UGT2B17: variants seen among roughly 807,000 people sequenced by gnomAD.
UGT2B17 encodes the protein UDP glucuronosyltransferase family 2 member B17, also known as UDP-glucuronosyltransferase 2B17.
A neutral mutation model predicts 48.2 loss-of-function variants in UGT2B17; 21 were observed. The ratio of observed to expected loss-of-function variants is 0.44; its 90% confidence interval spans 0.31 to 0.63. The LOEUF (loss-of-function observed/expected upper bound fraction) is 0.63. Ranked by LOEUF, UGT2B17 falls within the 20% of genes least tolerant of loss-of-function variation. The pLI, the probability that UGT2B17 is intolerant of heterozygous loss-of-function variation, is 0.08. For synonymous variants in UGT2B17, 146 were observed against 238.4 expected (o/e 0.61, Z 3.57); for missense variants, 402 against 696.1 (o/e 0.58, Z 4.75).
At position 68,541,689 on chromosome 4, in the gene UGT2B17, T is replaced by G. The variant is rs968858845; in HGVS notation, c.1314-3785A>C. Reference sequence around the variant, plus strand: ...CAACTTTGGCTTTTATTGTAATTGCTTTTGGTGTTTGTGTCATGAAATTTT... The same window carrying G: ...CAACTTTGGCTTTTATTGTAATTGCGTTTGGTGTTTGTGTCATGAAATTTT... On this transcript the variant is annotated intron_variant, in intron 6 of 6. Transcript: ENST00000317746. Among the ~76,000 whole-genome samples the G allele has an allele frequency of 5.5e-5, 7 of 126,902 alleles. 3 individuals are homozygous for G. The highest frequency in any genetic ancestry group is 1.2e-4 in the Non-Finnish European group (7 of 59,848). The allele number at this position is 126,902 out of a possible 152,430, so 83.3% of individuals were successfully genotyped here. A position where few individuals can be genotyped will look rare whatever the true frequency, so the allele number is the denominator to read the frequency against.
rs540487723 is a variant in UGT2B17, at chr4:68,559,252, A to G, written c.1005+1285T>C. The stretch of plus-strand genomic sequence containing the variant: ...AAATACTTAAACTGCACATATGGTG[A>G]GAAATAATGCTACATATGTAGTAAA... On this transcript the variant is annotated intron_variant, in intron 4 of 6. Transcript: ENST00000317746. Among the ~76,000 whole-genome samples the G allele has an allele frequency of 1.8e-3, 228 of 126,104 alleles. 41 individuals are homozygous for G. Among genetic ancestry groups the G allele is most frequent in the African/African-American group, 5.5e-3 (202 of 37,016 alleles). 82.7% of individuals were successfully genotyped at this position (126,104 alleles called of 152,430 possible). A position where few individuals can be genotyped will look rare whatever the true frequency, so the allele number is the denominator to read the frequency against.
intron 4 of UGT2B17, among the ~76,000 whole-genome samples, chr4:68,557,121 A>T (rs1168059191): frequency 1.6e-5 from 2 of 125,000 alleles, no homozygotes; most frequent in African/African-American, 5.4e-5. Context: ...AACTCCTATA[A>T]TTCTGATATG....
At position 68,564,833 on chromosome 4, in the gene UGT2B17, G is replaced by A. The variant is rs371989260; in HGVS notation, c.873+739C>T. On this transcript the variant is annotated intron_variant, in intron 3 of 6. Coordinates refer to ENST00000317746, the MANE Select transcript of UGT2B17 (RefSeq NM_001077.4). ...TCCTGCCTCAGCCTCTTAAGTAGCT[G>A]GGACTATGAGACTACAGGCACACAC... 6.4e-5 allele frequency among the ~76,000 whole-genome samples: 8 copies of A among 125,284 alleles called. 1 individual carries two copies. The highest frequency in any genetic ancestry group is 7.4e-4 in the South Asian group (2 of 2,688). The allele number at this position is 125,284 out of a possible 152,430, so 82.2% of individuals were successfully genotyped here.
intron 3 of UGT2B17, among the ~76,000 whole-genome samples, chr4:68,562,821 C>G (rs1731128586): frequency 7.9e-6 from 1 of 125,902 alleles, no homozygotes; most frequent in Non-Finnish European, 1.7e-5. Flanking sequence ...AATTTTTTCT[C>G]ATTGTATATG....
In UGT2B17 at chr4:68,542,570, C is replaced by A. The variant is rs11731661; in HGVS notation, c.1314-4666G>T. 4.8e-5 allele frequency among the ~76,000 whole-genome samples: 6 copies of A among 124,784 alleles called. 1 individual carries two copies. Among genetic ancestry groups the A allele is most frequent in the Non-Finnish European group, 6.8e-5 (4 of 58,910 alleles). 81.9% of individuals were successfully genotyped at this position (124,784 alleles called of 152,430 possible). On this transcript the variant is annotated intron_variant, in intron 6 of 6. Transcript: ENST00000317746. ...CAACTGAGGTACTGGGTTCATCTCC[C>A]AGGGGACTGTCAGACAGTGGGTGCA...
intron 6 of UGT2B17, 106 bp downstream of exon 6, chr4:68,550,571 C>T: frequency 2.2e-6 from 2 of 897,144 alleles, no homozygotes; most frequent in African/African-American, 1.7e-5. Flanking sequence ...GGTTAAATCA[C>T]TTCAATCCCT....
chr4:68,566,310 T>C lies in UGT2B17; in HGVS notation c.725-590A>G, dbSNP rs553422944. On this transcript the variant is annotated intron_variant, in intron 2 of 6. Coordinates refer to ENST00000317746, the MANE Select transcript of UGT2B17 (RefSeq NM_001077.4). ...CAGAGAGCTGTAAGAAGAAATCACA[T>C]CTTTAATGTAACATCAGTATATTCA... Among the ~76,000 whole-genome samples, 44 of 122,998 alleles carry C rather than the reference T, an allele frequency of 3.6e-4. 10 individuals carry two copies. In the South Asian group the frequency reaches 0.015, roughly 41 times the overall value. 80.7% of individuals were successfully genotyped at this position (122,998 alleles called of 152,430 possible).
rs1731192660 is a variant in UGT2B17, at chr4:68,565,974, A to G, written c.725-254T>C. ...TAAATTAATGTATTTAATATATGTT[A>G]ATATATTTTAATTTAATAGTATTTA... is the stretch of plus-strand genomic sequence containing the variant. On this transcript the variant is annotated intron_variant, in intron 2 of 6. Transcript: ENST00000317746. 2.5e-5 allele frequency among the ~76,000 whole-genome samples: 3 copies of G among 118,732 alleles called. 1 individual carries two copies. The highest frequency in any genetic ancestry group is 5.2e-5 in the Non-Finnish European group (3 of 57,918). 77.9% of individuals were successfully genotyped at this position (118,732 alleles called of 152,430 possible).
In UGT2B17 at chr4:68,548,093, A is replaced by G. The variant is rs1436345990; in HGVS notation, c.1313+2584T>C. Among the ~76,000 whole-genome samples the G allele has an allele frequency of 2.4e-5, 3 of 127,222 alleles. 1 individual carries two copies. Among genetic ancestry groups the G allele is most frequent in the Non-Finnish European group, 5.0e-5 (3 of 59,870 alleles). 83.5% of individuals were successfully genotyped at this position (127,222 alleles called of 152,430 possible). On this transcript the variant is annotated intron_variant, in intron 6 of 6. Transcript: ENST00000317746. The stretch of plus-strand genomic sequence containing the variant: ...TTACTGGGTATATACCCAAAGGGTT[A>G]TAAATCATGCTTCTATAAAGACATG...
intron 3 of UGT2B17, among the ~76,000 whole-genome samples, chr4:68,561,291 ACC>A (rs1017264814): frequency 1.3e-5 from 1 of 78,620 alleles, no homozygotes; most frequent in African/African-American, 4.5e-5. Context: ...CGACACCCCC[ACC>A]CCCAAAAAAC....
At chr4:68,571,744 A>G (rs1419263262) in intron 1 of UGT2B17, among the ~76,000 whole-genome samples, 4 of 125,914 alleles carry the variant, frequency 3.2e-5, no homozygotes, top group Admixed American at 2.4e-4. Flanking sequence ...CTCCACAAAC[A>G]TAATATGAGG....
chr4:68,551,792 A>T lies in UGT2B17; in HGVS notation c.1093+32T>A. ...TATCACTTCTAATTGGCTGTTACTA[A>T]TATATTCAGTATTTGTTCTCCAGAG... is the stretch of plus-strand genomic sequence containing the variant. On this transcript the variant is annotated intron_variant, in intron 5 of 6. Transcript: ENST00000317746. The T allele has an allele frequency of 1.6e-6, 2 of 1,216,370 alleles. 1 individual carries two copies. 75.3% of individuals were successfully genotyped at this position (1,216,370 alleles called of 1,614,324 possible).
At chr4:68,562,987 A>C (rs76197183) in intron 3 of UGT2B17, among the ~76,000 whole-genome samples, 2,588 of 126,212 alleles carry the variant, frequency 0.021, 602 homozygotes, top group East Asian at 0.06. Context: ...TAAGTTTTTA[A>C]CCATTTCTTA....
At chr4:68,546,930 A>T (rs568329511) in intron 6 of UGT2B17, among the ~76,000 whole-genome samples, 1 of 125,356 alleles carries the variant, frequency 8.0e-6, no homozygotes, top group Non-Finnish European at 1.7e-5. Context: ...TAAAAGAGGA[A>T]ACAAACCAAT....
intron 4 of UGT2B17, among the ~76,000 whole-genome samples, chr4:68,553,427 T>C (rs556991117): frequency 9.5e-5 from 12 of 126,982 alleles, no homozygotes; most frequent in African/African-American, 2.7e-4. Context: ...CTTCTAATGA[T>C]TTGAACTCTT....
chr4:68,560,124 A>T (rs1301517251), intron 4 of UGT2B17, among the ~76,000 whole-genome samples: 4 of 113,870 alleles, frequency 3.5e-5, no homozygotes, highest in Non-Finnish European at 7.5e-5. Context: ...ATACCTGCTT[A>T]TTGTTATTGT....
rs1183105613 is a variant in UGT2B17, at chr4:68,547,512, T to C, written c.1313+3165A>G. Among the ~76,000 whole-genome samples the C allele has an allele frequency of 2.6e-4, 32 of 124,368 alleles. 9 individuals are homozygous for C. The highest frequency in any genetic ancestry group is 8.2e-4 in the African/African-American group (30 of 36,524). 81.6% of individuals were successfully genotyped at this position (124,368 alleles called of 152,430 possible). A position where few individuals can be genotyped will look rare whatever the true frequency, so the allele number is the denominator to read the frequency against. ...GGCAATACCATTCAGGACATAGGCATGGGCAAGGACTTCATGACTAAAACA... is the reference window on the plus strand; with the variant it reads ...GGCAATACCATTCAGGACATAGGCACGGGCAAGGACTTCATGACTAAAACA... On this transcript the variant is annotated intron_variant, in intron 6 of 6. Coordinates refer to ENST00000317746, the MANE Select transcript of UGT2B17 (RefSeq NM_001077.4).
At position 68,544,013 on chromosome 4, in the gene UGT2B17, T is replaced by A. The variant is rs1242411989; in HGVS notation, c.1314-6109A>T. ...AACAAGTTGGAAAACACTCTGCAGG[T>A]TATCATCCAGGAGAGCTTCCCCAAT... On this transcript the variant is annotated intron_variant, in intron 6 of 6. Coordinates refer to ENST00000317746, the MANE Select transcript of UGT2B17 (RefSeq NM_001077.4). Among the ~76,000 whole-genome samples, 4 of 126,178 alleles carry A rather than the reference T, an allele frequency of 3.2e-5. 2 individuals carry two copies. The highest frequency in any genetic ancestry group is 1.5e-3 in the East Asian group (2 of 1,322). The allele number at this position is 126,178 out of a possible 152,430, so 82.8% of individuals were successfully genotyped here.
chr4:68,565,584 T>A lies in UGT2B17; in HGVS notation c.861A>T (p.Lys287Asn). Residue 287 changes from lysine (K) to asparagine (N), a missense_variant, in exon 3 of 7, where the codon AAA (lysine) becomes AAT (asparagine). Around this residue, in one of 5 missense-constraint regions of UGT2B17, gnomAD observed 106 missense variants for 169.8 expected, o/e 0.62. Transcript: ENST00000317746. ...AGAATATGTTCACCTTAGGCAAGGG[T>A]TTGGCTGGTTTACAGTGAAGTCCTC... ...FVGGLHCKPA[K>N]PLPKEMEEFV... 7.3e-7 allele frequency: 1 copy of A among 1,367,646 alleles called. No individual in the cohort carries two copies. Among genetic ancestry groups the A allele is most frequent in the Non-Finnish European group, 9.5e-7 (1 of 1,049,572 alleles). 84.7% of individuals were successfully genotyped at this position (1,367,646 alleles called of 1,614,324 possible).
Sources: gnomAD v4.1 joint callset for allele counts (sites outside exome capture counted in the v4.1 genomes callset) on GRCh38, gnomAD v4.1.1 for gene constraint, gnomAD v4.1.1 regional missense constraint, MANE v1.5 for transcripts, NCBI Gene and HGNC (gene_info 2026-07-23, HGNC 2026-07-21) for gene names.